MPPE1: variants seen among roughly 807,000 people sequenced by gnomAD.
MPPE1 encodes metallophosphoesterase 1, also known as metallo phosphoesterase.
MPPE1 carries 28 observed loss-of-function variants against 43.8 expected under a neutral mutation model. The observed-to-expected ratio is 0.64, with a 90% CI of 0.47 to 0.88. MPPE1 has a LOEUF of 0.88. MPPE1 is among the 40% of genes least tolerant of loss of function. MPPE1 has a pLI of 0.00. For synonymous variants in MPPE1, 159 were observed against 188.5 expected, an observed-to-expected ratio of 0.84 and a Z score of 1.28; for missense variants, 428 against 492.2, an observed-to-expected ratio of 0.87 and a Z score of 1.23.
chr18:11,890,445 G>A (rs2037875210), intron 4 of MPPE1, among the ~76,000 whole-genome samples: 1 of 152,066 alleles, frequency 6.6e-6, no homozygotes, highest in African/African-American at 2.4e-5. Context: ...GAGTAGCTGG[G>A]ATTACAGGCG....
At chr18:11,898,256 G>C (rs962264356) in intron 2 of MPPE1, among the ~76,000 whole-genome samples, 2 of 151,874 alleles carry the variant, frequency 1.3e-5, no homozygotes, top group African/African-American at 4.8e-5. Flanking sequence ...TTTTTTAGCA[G>C]AGACGGTTTT....
In MPPE1 at chr18:11,886,959, T is replaced by C; in HGVS notation, c.636A>G (p.Ala212=). Residue 212 remains alanine (A), a synonymous_variant, in exon 7 of 11, where the codon GCA becomes GCG. Transcript: ENST00000588072. The surrounding 1 kb of genome is among the most constrained non-coding windows in gnomAD (Gnocchi z 4.1). ...DGCGICSETE[A]ELIEVSHRLN... ...GTCTGTGAGAAACTTCAATGAGCTC[T>C]GCTTCTGTTTCAGAGCAGATGCCAC... 1 of 1,613,806 alleles carries C rather than the reference T, an allele frequency of 6.2e-7. No homozygotes were observed. The highest frequency in any genetic ancestry group is 8.5e-7 in the Non-Finnish European group (1 of 1,179,836).
Position 11,893,525 on chromosome 18 carries a change from C to T in MPPE1, c.333G>A (p.Pro111=), listed in dbSNP as rs145728460. 1.3e-4 allele frequency: 203 copies of T among 1,614,150 alleles called. No homozygotes were observed. In the African/African-American group the frequency reaches 1.7e-3, roughly 13 times the overall value. The change falls in exon 4 of 11, where the codon CCG becomes CCA. Residue 111 remains proline (P), a synonymous_variant. Coordinates refer to ENST00000588072, the MANE Select transcript of MPPE1 (RefSeq NM_023075.6). ...TATCCCCCAGGATGAAGACGACTTC[C>T]GGCTGCAGCAACCACAGAGCTGTCT... is the stretch of plus-strand genomic sequence containing the variant. The part of the protein sequence containing the change: ...AFQTALWLLQ[P]EVVFILGDIF...
intron 4 of MPPE1, among the ~76,000 whole-genome samples, chr18:11,892,355 GAAA>G (rs548540889): frequency 2.1e-5 from 2 of 93,414 alleles, no homozygotes; most frequent in African/African-American, 7.2e-5. Flanking sequence ...GCACCAAAAA[GAAA>G]AAAAAAAAAA....
At chr18:11,884,883 C>A in intron 10 of MPPE1, 1 of 1,327,968 alleles carries the variant, frequency 7.5e-7, no homozygotes, top group Non-Finnish European at 9.7e-7. Context: ...ACTGACCTGT[C>A]AAAACTGGCC....
intron 6 of MPPE1, among the ~76,000 whole-genome samples, chr18:11,887,675 C>T (rs2144196985): frequency 6.6e-6 from 1 of 152,306 alleles, no homozygotes; most frequent in African/African-American, 2.4e-5. Context: ...CTCCTACATG[C>T]ATACCATCTT....
Position 11,889,482 on chromosome 18 carries a change from C to T in MPPE1, c.399G>A (p.Ala133=), listed in dbSNP as rs762442470. The change falls in exon 5 of 11, where the codon GCG becomes GCA. Residue 133 remains alanine (A), a synonymous_variant. Coordinates refer to ENST00000588072, the MANE Select transcript of MPPE1 (RefSeq NM_023075.6). The part of the protein sequence containing the change: ...EGKWSTPEAW[A]DDVERFQKMF... ...TTTTCTGAAACCGCTCCACATCATC[C>T]GCCCAGGCCTGAGGGAAAAAGAATC... 5 of 1,612,102 alleles carry T rather than the reference C, an allele frequency of 3.1e-6. No individual in the cohort carries two copies. Among genetic ancestry groups the T allele is most frequent in the East Asian group, 2.2e-5 (1 of 44,760 alleles).
At position 11,895,172 on chromosome 18, in the gene MPPE1, CA is replaced by C. The variant is rs2038459386; in HGVS notation, c.282-1597del. The C allele has an allele frequency of 2.0e-5, 3 of 152,246 alleles. No individual in the cohort carries two copies. The South Asian group carries it at 6.2e-4, about 32-fold the overall frequency. 9.4% of individuals were successfully genotyped at this position (152,246 alleles called of 1,614,324 possible). On this transcript the variant is annotated intron_variant, in intron 3 of 10. Coordinates refer to ENST00000588072, the MANE Select transcript of MPPE1 (RefSeq NM_023075.6). ...TAAATAGGGGAAAGTAGGCTGGGTG[CA>C]GTGACTCACACCTGTAATTTCAATG...
At chr18:11,894,146 A>C (rs1188016123) in intron 3 of MPPE1, among the ~76,000 whole-genome samples, 1 of 152,128 alleles carries the variant, frequency 6.6e-6, no homozygotes, top group Non-Finnish European at 1.5e-5. Context: ...AAGAGCCTGG[A>C]GGCTGGGTAT....
rs1005658649 is a variant in MPPE1, at chr18:11,885,615, A to G, written c.1008+61T>C. 7 of 1,559,258 alleles carry G rather than the reference A, an allele frequency of 4.5e-6. No individual in the cohort carries two copies. In the African/African-American group the frequency reaches 9.5e-5, roughly 21 times the overall value. ...ACCGATTGCAGCAATTAAATAGTTG[A>G]TTACTGTGTTGATTTAAATACTTAT... On this transcript the variant is annotated intron_variant, in intron 10 of 10. Coordinates refer to ENST00000588072, the MANE Select transcript of MPPE1 (RefSeq NM_023075.6).
At chr18:11,900,862 G>A (rs933344004) in intron 2 of MPPE1, among the ~76,000 whole-genome samples, 1 of 148,196 alleles carries the variant, frequency 6.7e-6, no homozygotes, top group Non-Finnish European at 1.5e-5. Flanking sequence ...AGCCGAGATT[G>A]CGCCACTGCA....
At chr18:11,908,148 A>T (rs1387478037) in intron 1 of MPPE1, 53 bp downstream of exon 1, 1 of 152,162 alleles carries the variant, frequency 6.6e-6, no homozygotes, top group Non-Finnish European at 1.5e-5. Context: ...ACACGGAAGG[A>T]GGTTCCGTTT....
chr18:11,888,882 G>T, intron 5 of MPPE1, 139 bp from the exon 6 acceptor site: 1 of 520,660 alleles, frequency 1.9e-6, no homozygotes, highest in Non-Finnish European at 3.3e-6. Flanking sequence ...CTGGCCCCAG[G>T]ATAGCAAAGC....
intron 6 of MPPE1, among the ~76,000 whole-genome samples, chr18:11,888,403 A>G (rs755503475): frequency 3.9e-5 from 6 of 152,224 alleles, no homozygotes; most frequent in Non-Finnish European, 8.8e-5. Flanking sequence ...CAGAAAGACT[A>G]TCATTCCCAC....
At position 11,886,587 on chromosome 18, in the gene MPPE1, C is replaced by CTA. The variant is rs758429402; in HGVS notation, c.778_779insTA (p.Cys260LeufsTer100). 1 of 1,614,186 alleles carries CTA rather than the reference C, an allele frequency of 6.2e-7. No individual in the cohort carries two copies. On this transcript the variant is annotated frameshift_variant, in exon 9 of 11. Transcript: ENST00000588072. LOFTEE classifies it high-confidence loss of function. The surrounding 1 kb of genome is among the most constrained non-coding windows in gnomAD (Gnocchi z 4.1). ...TGCAGGAGCAGCGTCTTCCCCAGAACAGTTAGCATCACTTCTCCGATACAG... is the reference window on the plus strand; with the variant it reads ...TGCAGGAGCAGCGTCTTCCCCAGAACTAAGTTAGCATCACTTCTCCGATACAG...
chr18:11,896,143 C>G (rs1381690510), intron 3 of MPPE1, among the ~76,000 whole-genome samples: 3 of 141,944 alleles, frequency 2.1e-5, no homozygotes, highest in Non-Finnish European at 4.5e-5. Context: ...GCTCTGTTGC[C>G]CAGGCTGGAG....
Position 11,887,045 on chromosome 18 carries a change from A to G in MPPE1, c.570-20T>C. ...ACAAAGCTGAAGCGGAGGGAAACGC[A>G]GGTGAGGCCGCTGGGGGTATCAGTG... On this transcript the variant is annotated intron_variant, in intron 6 of 10. Transcript: ENST00000588072. 6.3e-7 allele frequency: 1 copy of G among 1,579,790 alleles called. No homozygotes were observed. The highest frequency in any genetic ancestry group is 1.1e-5 in the South Asian group (1 of 89,950).
chr18:11,892,771 C>T (rs567863942), intron 4 of MPPE1, among the ~76,000 whole-genome samples: 491 of 152,082 alleles, frequency 3.2e-3, no homozygotes, highest in Middle Eastern at 6.9e-3. Context: ...TGAAGATTTT[C>T]CAAAAACCAT....
chr18:11,897,846 G>A (rs1199923203), intron 2 of MPPE1, among the ~76,000 whole-genome samples: 1 of 152,114 alleles, frequency 6.6e-6, no homozygotes, highest in Non-Finnish European at 1.5e-5. Flanking sequence ...GAATATTCAT[G>A]GACAATGTGC....
Sources: allele counts gnomAD v4.1 joint callset (sites outside exome capture counted in the v4.1 genomes callset), GRCh38; gene constraint gnomAD v4.1.1; non-coding constraint Gnocchi (gnomAD v3.1); transcripts MANE v1.5; gene names NCBI Gene and HGNC (gene_info 2026-07-23, HGNC 2026-07-21).